The following QRICH2 variants were observed in gnomAD, a reference collection of about 807,000 sequenced individuals.
The protein encoded by QRICH2 is glutamine rich 2, also known as glutamine-rich protein 2.
QRICH2 carries 119 observed loss-of-function variants against 168.3 expected under a neutral mutation model. The observed-to-expected ratio is 0.71, with a 90% CI of 0.61 to 0.82. QRICH2 has a LOEUF of 0.82. QRICH2 is among the 40% of genes least tolerant of loss of function. The pLI is 0.00. For missense variants in QRICH2, 2,241 were observed against 2,491.6 expected (o/e 0.90, Z 2.14); for synonymous variants, 894 against 951.2 (o/e 0.94, Z 1.11).
intron 16 of QRICH2, 61 bp downstream of exon 16, chr17:76,277,102 C>T: frequency 2.0e-6 from 3 of 1,485,576 alleles, no homozygotes; most frequent in East Asian, 2.4e-5. Context: ...TAGAGAATGA[C>T]TCAGGAATCT....
At chr17:76,294,888 C>G (rs753288612) in intron 3 of QRICH2, among the ~76,000 whole-genome samples, 5 of 151,022 alleles carry the variant, frequency 3.3e-5, no homozygotes, top group Admixed American at 6.6e-5. Flanking sequence ...TCTCTCTGGA[C>G]TTTTGCTTAG....
In QRICH2 at chr17:76,301,872, T is replaced by TTGTG. The variant is rs139933188; in HGVS notation, c.705+2539_705+2542dup. ...CTCCTGCCACCACACCTGGCTAATTTTGTGTGTGTGTGTGTGTGTGTGTGT... is the reference window on the plus strand; with the variant it reads ...CTCCTGCCACCACACCTGGCTAATTTTGTGTGTGTGTGTGTGTGTGTGTGTGTGT... On this transcript the variant is annotated intron_variant, in intron 3 of 18. Transcript: ENST00000680821. 1.7e-3 allele frequency among the ~76,000 whole-genome samples: 225 copies of TTGTG among 136,262 alleles called. 3 individuals are homozygous for TTGTG. Among genetic ancestry groups the TTGTG allele is most frequent in the South Asian group, 8.9e-3 (35 of 3,938 alleles). The allele number at this position is 136,262 out of a possible 152,430, so 89.4% of individuals were successfully genotyped here.
At position 76,291,257 on chromosome 17, in the gene QRICH2, C is replaced by T; in HGVS notation, c.3470G>A (p.Ser1157Asn). The stretch of plus-strand genomic sequence containing the variant: ...TAAGACTCGGTCGACGGAGTCTGGA[C>T]TCCTGAAAAGAGTGACATCTTGGCC... ...APGQDVTLFR[S>N]PDSVDRVLSE... The change falls in exon 4 of 19, where the codon AGT becomes AAT. Residue 1157 changes from serine to asparagine, a missense_variant. By Grantham distance (46) the Ser-to-Asn change is conservative. Around this residue, in one of 3 missense-constraint regions of QRICH2, gnomAD observed 2,047 missense variants for 2,303.8 expected, o/e 0.89. Coordinates refer to ENST00000680821, the MANE Select transcript of QRICH2 (RefSeq NM_001388453.1). 6.2e-7 allele frequency: 1 copy of T among 1,614,224 alleles called. No homozygotes were observed. The highest frequency in any genetic ancestry group is 8.5e-7 in the Non-Finnish European group (1 of 1,180,030).
intron 2 of QRICH2, 75 bp downstream of exon 2, chr17:76,304,807 C>A (rs2070963637): frequency 9.3e-7 from 1 of 1,073,282 alleles, no homozygotes; most frequent in African/African-American, 1.6e-5. Context: ...GATGGACAAG[C>A]CCTGGAGAGA....
chr17:76,298,064 G>T (rs1008925645), intron 3 of QRICH2, among the ~76,000 whole-genome samples: 15 of 150,924 alleles, frequency 9.9e-5, no homozygotes, highest in Admixed American at 1.3e-4. Context: ...TAAAGATGGG[G>T]TTTCACCATG....
At chr17:76,294,945 G>C (rs1310175482) in intron 3 of QRICH2, among the ~76,000 whole-genome samples, 3 of 151,422 alleles carry the variant, frequency 2.0e-5, no homozygotes, top group Admixed American at 1.3e-4. Flanking sequence ...AAAATATAAA[G>C]TCTGGGTCTG....
chr17:76,306,168 CAAAAAA>C (rs368182885), intron 1 of QRICH2, among the ~76,000 whole-genome samples: 5,059 of 68,046 alleles, frequency 0.074, 237 homozygotes, highest in African/African-American at 0.2. Flanking sequence ...GAATGTGTCT[CAAAAAA>C]AAAAAAAAAA....
chr17:76,288,038 G>C, intron 5 of QRICH2, 141 bp from the exon 6 acceptor site: 1 of 659,186 alleles, frequency 1.5e-6, no homozygotes, highest in Non-Finnish European at 2.7e-6. Context: ...AGCCCTTGTG[G>C]ACATCCATCC....
chr17:76,276,791 C>T (rs562834755), intron 16 of QRICH2, 24 bp from the exon 17 acceptor site: 12 of 1,580,174 alleles, frequency 7.6e-6, no homozygotes, highest in African/African-American at 2.7e-5. Context: ...CAGATACCGT[C>T]GCCACTGTAG....
intron 3 of QRICH2, among the ~76,000 whole-genome samples, chr17:76,295,397 G>A (rs2070779698): frequency 6.6e-6 from 1 of 152,228 alleles, no homozygotes; most frequent in Non-Finnish European, 1.5e-5. Flanking sequence ...GCTCACGCCT[G>A]TCATCCCAGC....
chr17:76,281,909 G>A lies in QRICH2; in HGVS notation c.4218C>T (p.Ser1406=), dbSNP rs1381715728. The A allele has an allele frequency of 1.9e-6, 3 of 1,613,648 alleles. No homozygotes were observed. The highest frequency in any genetic ancestry group is 1.7e-6 in the Non-Finnish European group (2 of 1,180,018). ...TCTTGGAGGGTCGGGAGACGGCCAG[G>A]CTGTTGACCATGTCTTGGAGTTGCT... ...RYEQLQDMVN[S]LAVSRPSKKA... is the part of the protein sequence containing the mutation. The change falls in exon 8 of 19, where the codon AGC becomes AGT. Residue 1406 remains serine, a synonymous_variant. Transcript: ENST00000680821. This position sits in a 1 kb window ranked among gnomAD's most constrained non-coding sequence, Gnocchi z 4.4.
Position 76,290,051 on chromosome 17 carries a change from G to A in QRICH2, c.3739C>T (p.Gln1247Ter), listed in dbSNP as rs868756715. The A allele has an allele frequency of 6.2e-7, 1 of 1,612,146 alleles. No homozygotes were observed. The highest frequency in any genetic ancestry group is 1.3e-5 in the African/African-American group (1 of 74,924). ...GTCTTTACGGTCTTCAGCTGCTCCT[G>A]CAGTTCAGGAGGTATGGTCCTTTTG... ...MVKRTIPPEL[Q>*]EQLKTVKTLA... The change falls in exon 5 of 19, where the codon CAG becomes TAG. Residue 1247 changes from glutamine (Q) to a stop codon, truncating the protein, a stop_gained. Transcript: ENST00000680821. LOFTEE classifies it high-confidence loss of function.
At chr17:76,288,036 T>A in intron 5 of QRICH2, 139 bp from the exon 6 acceptor site, 2 of 661,938 alleles carry the variant, frequency 3.0e-6, no homozygotes. Context: ...GGAGCCCTTG[T>A]GGACATCCAT....
intron 7 of QRICH2, among the ~76,000 whole-genome samples, chr17:76,285,125 C>T (rs866763352): frequency 6.8e-6 from 1 of 147,732 alleles, no homozygotes; most frequent in Non-Finnish European, 1.5e-5. Flanking sequence ...CAGCTATTTT[C>T]TGTTGTTGTT....
chr17:76,283,564 G>T (rs1289195400), intron 7 of QRICH2, among the ~76,000 whole-genome samples: 1 of 152,200 alleles, frequency 6.6e-6, no homozygotes, highest in Non-Finnish European at 1.5e-5. Context: ...CAACTTGGGA[G>T]CCTGGAATGT....
At position 76,292,226 on chromosome 17, in the gene QRICH2, G is replaced by C; in HGVS notation, c.2501C>G (p.Pro834Arg). 1 of 1,603,308 alleles carries C rather than the reference G, an allele frequency of 6.2e-7. No individual in the cohort carries two copies. Among genetic ancestry groups the C allele is most frequent in the Non-Finnish European group, 8.5e-7 (1 of 1,176,602 alleles). Reference protein sequence around the residue: ...PGVDQRGLVQPGAVQRGLVQP... With the variant: ...PGVDQRGLVQRGAVQRGLVQP... ...GACCAAACCACGCTGAACTGCACCAGGTTGAACCAAACCACGCTGATCCAC... is the reference window on the plus strand; with the variant it reads ...GACCAAACCACGCTGAACTGCACCACGTTGAACCAAACCACGCTGATCCAC... The change falls in exon 4 of 19, where the codon CCT becomes CGT. Residue 834 changes from proline (P) to arginine (R), a missense_variant. Coordinates refer to ENST00000680821, the MANE Select transcript of QRICH2 (RefSeq NM_001388453.1).
chr17:76,274,736 G>A (rs2070642247), intron 18 of QRICH2, among the ~76,000 whole-genome samples: 1 of 152,164 alleles, frequency 6.6e-6, no homozygotes, highest in Admixed American at 6.5e-5. Flanking sequence ...ACTGAGACCT[G>A]CCGTTCCCAG....
Position 76,278,002 on chromosome 17 carries a change from G to C in QRICH2, c.5104C>G (p.Pro1702Ala). 6.2e-7 allele frequency: 1 copy of C among 1,612,164 alleles called. No homozygotes were observed. Among genetic ancestry groups the C allele is most frequent in the Non-Finnish European group, 8.5e-7 (1 of 1,180,028 alleles). ...CCTCTCCTGTACCGTTTGTAGCAGG[G>C]GGAGCCCAGGCACTGGGCGTGCAGC... ...ELLHAQCLGS[P>A]CYKRVTDMAD... Residue 1702 changes from proline to alanine, a missense_variant, in exon 15 of 19, where the codon CCC (proline) becomes GCC (alanine). Around this residue, in one of 3 missense-constraint regions of QRICH2, gnomAD observed 2,047 missense variants for 2,303.8 expected, o/e 0.89. Coordinates refer to ENST00000680821, the MANE Select transcript of QRICH2 (RefSeq NM_001388453.1).
At position 76,280,496 on chromosome 17, in the gene QRICH2, T is replaced by C. The variant is rs899979793; in HGVS notation, c.4462-45A>G. 2.5e-6 allele frequency: 4 copies of C among 1,606,560 alleles called. No homozygotes were observed. Among genetic ancestry groups the C allele is most frequent in the Middle Eastern group, 1.7e-4 (1 of 6,038 alleles). On this transcript the variant is annotated intron_variant, in intron 10 of 18. Transcript: ENST00000680821. The surrounding 1 kb of genome is among the most constrained non-coding windows in gnomAD (Gnocchi z 7.4). ...GGTCCCCGCATCTGGGAGATGGCCA[T>C]GGAGGGGCCCCATTCCCTGGGGGTG... is the stretch of plus-strand genomic sequence containing the variant.
Sources: gnomAD v4.1 joint callset for allele counts (sites outside exome capture counted in the v4.1 genomes callset) on GRCh38, gnomAD v4.1.1 for gene constraint, gnomAD v4.1.1 regional missense constraint, Gnocchi (gnomAD v3.1) non-coding constraint, MANE v1.5 for transcripts, NCBI Gene and HGNC (gene_info 2026-07-23, HGNC 2026-07-21) for gene names.